C6orf52: variants seen among roughly 807,000 people sequenced by gnomAD.
C6orf52 encodes chromosome 6 open reading frame 52.
Under a neutral mutation model 16.6 loss-of-function variants are expected in C6orf52, and 16 were observed. The observed-to-expected ratio is 0.96, with a 90% CI of 0.65 to 1.46. The LOEUF is 1.46. Ranked by LOEUF, C6orf52 falls within the 40% of genes most tolerant of loss-of-function variation. The pLI is 0.00. For synonymous variants in C6orf52, 53 were observed against 61.4 expected (o/e 0.86, Z 0.64); for missense variants, 166 against 182.3 (o/e 0.91, Z 0.52).
intron 3 of C6orf52, chr6:10,684,736 C>T: frequency 3.6e-6 from 2 of 560,790 alleles, no homozygotes; most frequent in South Asian, 1.6e-5. Context: ...GACAGAGGCA[C>T]AGCACATTGG....
intron 4 of C6orf52, among the ~76,000 whole-genome samples, chr6:10,678,183 T>TAAAAA (rs377733205): frequency 9.8e-6 from 1 of 101,596 alleles, no homozygotes; most frequent in Non-Finnish European, 2.0e-5. Flanking sequence ...GAGACTGTCT[T>TAAAAA]AAAAAAAAAA....
At chr6:10,673,870 A>G (rs1237980319) in intron 4 of C6orf52, among the ~76,000 whole-genome samples, 2 of 152,168 alleles carry the variant, frequency 1.3e-5, no homozygotes, top group Non-Finnish European at 2.9e-5. Context: ...AAAAAAATAG[A>G]AAAAATATAT....
chr6:10,675,812 C>A (rs1767824060), intron 4 of C6orf52, among the ~76,000 whole-genome samples: 1 of 152,160 alleles, frequency 6.6e-6, no homozygotes, highest in African/African-American at 2.4e-5. Context: ...ATCTATTGGT[C>A]ATTTGTACAT....
intron 3 of C6orf52, 107 bp downstream of exon 3, chr6:10,686,859 G>A (rs1768905296): frequency 2.5e-6 from 2 of 813,154 alleles, no homozygotes; most frequent in Non-Finnish European, 3.8e-6. Context: ...CAAAAGCCAT[G>A]TCTGTGGGAA....
chr6:10,686,786 A>G (rs979573746), intron 3 of C6orf52, among the ~76,000 whole-genome samples, 180 bp downstream of exon 3: 3 of 152,218 alleles, frequency 2.0e-5, no homozygotes, highest in Non-Finnish European at 4.4e-5. Context: ...TTATACCTCA[A>G]TAAAGCTATA....
At chr6:10,684,849 CA>C in intron 3 of C6orf52, 1 of 1,289,050 alleles carries the variant, frequency 7.8e-7, no homozygotes, top group Admixed American at 2.3e-5. Context: ...AGAGGCTTAC[CA>C]TCTTTAATTT....
rs1769446799 is a variant in C6orf52, at chr6:10,692,719, G to A, written c.-12+1775C>T. Among the ~76,000 whole-genome samples, 3 of 152,216 alleles carry A rather than the reference G, an allele frequency of 2.0e-5. No individual in the cohort carries two copies. The South Asian group carries it at 6.2e-4, about 32-fold the overall frequency. ...AGGCATGCGTGAGCCACTGCGTCTGGCCATTTTATTTTATTTTTTGAGACA... is the reference window on the plus strand; with the variant it reads ...AGGCATGCGTGAGCCACTGCGTCTGACCATTTTATTTTATTTTTTGAGACA... On this transcript the variant is annotated intron_variant, in intron 1 of 4. Transcript: ENST00000259983.
At chr6:10,676,223 T>C (rs12663029) in intron 4 of C6orf52, among the ~76,000 whole-genome samples, 3,463 of 152,324 alleles carry the variant, frequency 0.023, 108 homozygotes, top group African/African-American at 0.068. Context: ...TTTTTTTAAA[T>C]GTGCAAAAGA....
At chr6:10,686,215 A>G (rs891329711) in intron 3 of C6orf52, among the ~76,000 whole-genome samples, 1 of 152,182 alleles carries the variant, frequency 6.6e-6, no homozygotes, top group African/African-American at 2.4e-5. Context: ...ACGATTTTTT[A>G]AAGAAAGGTC....
intron 3 of C6orf52, chr6:10,684,746 G>T (rs1253315561): frequency 1.6e-6 from 1 of 626,434 alleles, no homozygotes; most frequent in Non-Finnish European, 2.6e-6. Context: ...CAGCACATTG[G>T]GGGAAGCAGG....
At position 10,682,343 on chromosome 6, in the gene C6orf52, T is replaced by C. The variant is rs114077387; in HGVS notation, c.316+844A>G. On this transcript the variant is annotated intron_variant, in intron 4 of 4. Coordinates refer to ENST00000259983, the MANE Select transcript of C6orf52 (RefSeq NM_001145020.3). ...AGTTGAAATAAGCACCCTTTACTCA[T>C]GTTTAAATCAAAGTACTAAAAACTA... is the stretch of plus-strand genomic sequence containing the variant. Among the ~76,000 whole-genome samples the C allele has an allele frequency of 7.9e-3, 1,204 of 152,348 alleles. 8 individuals carry two copies. The highest frequency in any genetic ancestry group is 0.012 in the Non-Finnish European group (791 of 68,036).
In C6orf52 at chr6:10,686,952, C is replaced by G; in HGVS notation, c.270+14G>C. 2 of 1,519,438 alleles carry G rather than the reference C, an allele frequency of 1.3e-6. No homozygotes were observed. The highest frequency in any genetic ancestry group is 1.8e-6 in the Non-Finnish European group (2 of 1,128,132). The allele number at this position is 1,519,438 out of a possible 1,614,324, so 94.1% of individuals were successfully genotyped here. On this transcript the variant is annotated intron_variant, in intron 3 of 4. Transcript: ENST00000259983. Reference sequence around the variant, plus strand: ...GCACACGAATGACACAAGATTCATTCTAGCAAGGGATACCTTAGGCATAAC... The same window carrying G: ...GCACACGAATGACACAAGATTCATTGTAGCAAGGGATACCTTAGGCATAAC...
At position 10,689,983 on chromosome 6, in the gene C6orf52, C is replaced by T. The variant is rs142883796; in HGVS notation, c.-11-2422G>A. Among the ~76,000 whole-genome samples, 869 of 152,204 alleles carry T rather than the reference C, an allele frequency of 5.7e-3. 8 individuals carry two copies. The highest frequency in any genetic ancestry group is 0.02 in the African/African-American group (825 of 41,530). On this transcript the variant is annotated intron_variant, in intron 1 of 4. Transcript: ENST00000259983. ...TTCCTGTAAAATTTTTTTTCTCTCACTTTAGGACTGACTTTATTTTACACA... is the reference window on the plus strand; with the variant it reads ...TTCCTGTAAAATTTTTTTTCTCTCATTTTAGGACTGACTTTATTTTACACA...
At chr6:10,693,499 G>A (rs1733331439) in intron 1 of C6orf52, among the ~76,000 whole-genome samples, 1 of 152,186 alleles carries the variant, frequency 6.6e-6, no homozygotes, top group South Asian at 2.1e-4. Flanking sequence ...TAACAATTCA[G>A]AACACCAGAG....
At chr6:10,672,627 T>A in intron 4 of C6orf52, 2 of 693,010 alleles carry the variant, frequency 2.9e-6, no homozygotes, top group South Asian at 3.0e-5. Flanking sequence ...GGCAACATAC[T>A]GAGACGTCAC....
chr6:10,682,823 A>G (rs1056755323), intron 4 of C6orf52, among the ~76,000 whole-genome samples: 1 of 152,214 alleles, frequency 6.6e-6, no homozygotes, highest in Non-Finnish European at 1.5e-5. Context: ...CCAGGATCCA[A>G]TAACCCTGAG....
chr6:10,687,702 A>G (rs992984491), intron 1 of C6orf52, 141 bp from the exon 2 acceptor site: 48 of 636,716 alleles, frequency 7.5e-5, no homozygotes, highest in Admixed American at 1.8e-4. Context: ...CTGCTAGGCA[A>G]TTAATTGCTT....
At chr6:10,672,745 T>G (rs1043628786) in intron 4 of C6orf52, 3 of 513,458 alleles carry the variant, frequency 5.8e-6, no homozygotes, top group Admixed American at 3.5e-5. Flanking sequence ...GCAAGAAGGC[T>G]GCTGTCTGCA....
At chr6:10,678,092 G>A (rs935258049) in intron 4 of C6orf52, among the ~76,000 whole-genome samples, 6 of 150,886 alleles carry the variant, frequency 4.0e-5, no homozygotes, top group African/African-American at 1.5e-4. Flanking sequence ...GCTGAGGCAG[G>A]AGAATTGCTT....
Sources: allele counts gnomAD v4.1 joint callset (sites outside exome capture counted in the v4.1 genomes callset), GRCh38; gene constraint gnomAD v4.1.1; transcripts MANE v1.5; gene names NCBI Gene and HGNC (gene_info 2026-07-23, HGNC 2026-07-21).